The following NXPE4 variants were observed in gnomAD, a reference collection of about 807,000 sequenced individuals.
NXPE4 encodes NXPE family member 4.
In NXPE4, 42 loss-of-function variants were observed where a neutral mutation model predicts 33.3. The ratio of observed to expected loss-of-function variants is 1.26; its 90% CI spans 0.98 to 1.63. The LOEUF (loss-of-function observed/expected upper bound fraction) is 1.63. Ranked by LOEUF, NXPE4 falls within the 40% of genes most tolerant of loss-of-function variation. The probability of loss-of-function intolerance (pLI) is 0.00; values close to 1 mark genes in which losing one functional copy is unlikely to be tolerated. For synonymous variants in NXPE4, 253 were observed against 234.9 expected (o/e 1.08, Z -0.71); for missense variants, 709 against 647.6 (o/e 1.09, Z -1.03).
chr11:114,594,915 G>T (rs573661718), intron 1 of NXPE4, 146 bp from the exon 2 acceptor site: 268 of 555,666 alleles, frequency 4.8e-4, no homozygotes, highest in Middle Eastern at 9.9e-4. Flanking sequence ...CTTCACCCCC[G>T]CAAGCTGTAC....
chr11:114,596,438 A>G (rs536067732), upstream of NXPE4, among the ~76,000 whole-genome samples: 16 of 152,268 alleles, frequency 1.1e-4, no homozygotes, highest in South Asian at 3.3e-3. Context: ...GGGCATGCCC[A>G]TCATCTTTCC....
At chr11:114,662,326 C>G in the NXPE4 span, among the ~76,000 whole-genome samples, 3 of 152,128 alleles carry the variant, frequency 2.0e-5, no homozygotes, top group African/African-American at 7.2e-5. Flanking sequence ...CTGATGCCCA[C>G]CCACAGATAG....
chr11:114,571,803 C>A (rs758905932), intron 5 of NXPE4, among the ~76,000 whole-genome samples: 1 of 152,254 alleles, frequency 6.6e-6, no homozygotes, highest in South Asian at 2.1e-4. Context: ...AATCCATAGA[C>A]CCTTTGAAGG....
the NXPE4 span, among the ~76,000 whole-genome samples, chr11:114,601,669 T>TA: frequency 2.5e-5 from 1 of 40,412 alleles, no homozygotes; most frequent in African/African-American, 1.2e-4. Context: ...AATAATTATA[T>TA]ATTATAATTA....
At chr11:114,572,928 A>G (rs1461255097) in intron 5 of NXPE4, among the ~76,000 whole-genome samples, 1 of 152,212 alleles carries the variant, frequency 6.6e-6, no homozygotes, top group African/African-American at 2.4e-5. Context: ...ATCTAAAGTC[A>G]AGATGAAGGA....
the NXPE4 span, among the ~76,000 whole-genome samples, chr11:114,631,912 C>G: frequency 2.6e-5 from 4 of 151,294 alleles, no homozygotes; most frequent in Non-Finnish European, 5.9e-5. Flanking sequence ...TCGTGGGTCA[C>G]TACTGTTACC....
chr11:114,642,385 T>C, the NXPE4 span, among the ~76,000 whole-genome samples: 1 of 151,930 alleles, frequency 6.6e-6, no homozygotes, highest in African/African-American at 2.4e-5. Context: ...CATCCCACCA[T>C]CTACAGTAGG....
At chr11:114,618,614 A>G in the NXPE4 span, among the ~76,000 whole-genome samples, 3 of 151,856 alleles carry the variant, frequency 2.0e-5, no homozygotes, top group South Asian at 2.1e-4. Context: ...GATAATAAGT[A>G]TTGCCTTGTG....
the NXPE4 span, among the ~76,000 whole-genome samples, chr11:114,601,310 C>A: frequency 2.0e-5 from 3 of 149,528 alleles, no homozygotes; most frequent in Admixed American, 2.1e-4. Flanking sequence ...GTACTCATAG[C>A]TTAAATCCCA....
chr11:114,619,878 G>A, the NXPE4 span, among the ~76,000 whole-genome samples: 22 of 151,820 alleles, frequency 1.4e-4, no homozygotes, highest in South Asian at 4.2e-4. Context: ...GTGTTGCCTC[G>A]TGGGTAAGAA....
the NXPE4 span, among the ~76,000 whole-genome samples, chr11:114,639,230 G>C: frequency 6.6e-6 from 1 of 151,266 alleles, no homozygotes; most frequent in East Asian, 1.9e-4. Context: ...ACTGCTGTGC[G>C]AGCAATCAGC....
At chr11:114,673,063 C>T in the NXPE4 span, among the ~76,000 whole-genome samples, 1 of 147,524 alleles carries the variant, frequency 6.8e-6, no homozygotes, top group Non-Finnish European at 1.5e-5. Context: ...ATAAAACAAG[C>T]CTATATATAT....
chr11:114,639,744 T>C, the NXPE4 span, among the ~76,000 whole-genome samples: 4 of 128,606 alleles, frequency 3.1e-5, no homozygotes, highest in African/African-American at 1.2e-4. Flanking sequence ...TAAAATAATA[T>C]ATAATATATA....
At chr11:114,577,056 TA>T (rs1168703618) in intron 5 of NXPE4, among the ~76,000 whole-genome samples, 1 of 31,408 alleles carries the variant, frequency 3.2e-5, no homozygotes, top group Non-Finnish European at 5.6e-5. Flanking sequence ...TATATATATA[TA>T]CATATATATA....
chr11:114,666,269 G>A, the NXPE4 span, among the ~76,000 whole-genome samples: 2 of 152,060 alleles, frequency 1.3e-5, no homozygotes, highest in South Asian at 4.1e-4. Flanking sequence ...TGGGCTCACA[G>A]CAGCATTTTC....
chr11:114,634,682 C>G, the NXPE4 span, among the ~76,000 whole-genome samples: 14 of 151,974 alleles, frequency 9.2e-5, 1 homozygote, highest in South Asian at 2.1e-4. Flanking sequence ...TTCTACATAT[C>G]GCTAGTTGGT....
the NXPE4 span, among the ~76,000 whole-genome samples, chr11:114,626,891 A>T: frequency 2.0e-5 from 3 of 152,152 alleles, no homozygotes; most frequent in Non-Finnish European, 4.4e-5. Context: ...TCAGGAGCTG[A>T]TGCGATCAAC....
the NXPE4 span, among the ~76,000 whole-genome samples, chr11:114,627,751 C>T: frequency 1.2e-4 from 18 of 152,234 alleles, no homozygotes; most frequent in East Asian, 1.2e-3. Flanking sequence ...CAAGACCCAT[C>T]AGTGTGCTGT....
the NXPE4 span, among the ~76,000 whole-genome samples, chr11:114,649,037 G>A: frequency 1.3e-5 from 2 of 151,748 alleles, no homozygotes; most frequent in Admixed American, 6.6e-5. Context: ...TACAGTCCTT[G>A]TTTATGTAAC....
Sources: gnomAD v4.1 joint callset for allele counts (sites outside exome capture counted in the v4.1 genomes callset) on GRCh38, gnomAD v4.1.1 for gene constraint, MANE v1.5 for transcripts, NCBI Gene and HGNC (gene_info 2026-07-23, HGNC 2026-07-21) for gene names.